The following PSMF1 variants were observed in gnomAD, a reference collection of about 807,000 sequenced individuals.
The protein encoded by PSMF1 is proteasome inhibitor PI31 subunit.
In PSMF1, 30 loss-of-function variants were observed where a neutral mutation model predicts 29.3. The observed-to-expected ratio is 1.02, with a 90% confidence interval of 0.77 to 1.39. The LOEUF is 1.39. Ranked by LOEUF, PSMF1 falls within the 40% of genes most tolerant of loss-of-function variation. The probability of loss-of-function intolerance (pLI) is 0.00; values close to 1 mark genes in which losing one functional copy is unlikely to be tolerated. For synonymous variants in PSMF1, 134 were observed against 139.7 expected, an observed-to-expected ratio of 0.96 and a Z score of 0.29; for missense variants, 344 against 357.5, an observed-to-expected ratio of 0.96 and a Z score of 0.31.
intron 1 of PSMF1, among the ~76,000 whole-genome samples, chr20:1,122,498 C>G (rs1391619488): frequency 6.6e-6 from 1 of 151,962 alleles, no homozygotes; most frequent in South Asian, 2.1e-4. Context: ...CAGGGTTTCA[C>G]CATGTTTGCC....
rs888538791 is a variant in PSMF1 at position 1,170,621 on chromosome 20, T to A, written c.*5541T>A. Reference sequence around the variant, plus strand: ...GAGTCTCAGACTCAGTCAAGCGTGGTTACTCACAGCCCTCCCTTTCTCAGT... The same window carrying A: ...GAGTCTCAGACTCAGTCAAGCGTGGATACTCACAGCCCTCCCTTTCTCAGT... On this transcript the variant is annotated 3_prime_UTR_variant, in exon 7 of 7. Transcript: ENST00000335877. 6.6e-6 allele frequency among the ~76,000 whole-genome samples: 1 copy of A among 151,962 alleles called. No individual in the cohort carries two copies. Among genetic ancestry groups the A allele is most frequent in the African/African-American group, 2.4e-5 (1 of 41,270 alleles).
rs1260809535 is a variant in PSMF1 at position 1,164,814 on chromosome 20, G to A, written c.765-215G>A. Among the ~76,000 whole-genome samples, 1 of 152,144 alleles carries A rather than the reference G, an allele frequency of 6.6e-6. No homozygotes were observed. The highest frequency in any genetic ancestry group is 2.4e-5 in the African/African-American group (1 of 41,418). ...ATGGTGGCGTCTACATTTTATAGAT[G>A]CAGAAAATGAGGCCCTGAAAGATTA... On this transcript the variant is annotated intron_variant, in intron 6 of 6. Coordinates refer to ENST00000335877, the MANE Select transcript of PSMF1 (RefSeq NM_006814.5). This position sits in a 1 kb window ranked among gnomAD's most constrained non-coding sequence, Gnocchi z 4.1.
chr20:1,164,967 T>C lies in PSMF1; in HGVS notation c.765-62T>C. The C allele has an allele frequency of 7.0e-7, 1 of 1,420,182 alleles. No homozygotes were observed. The highest frequency in any genetic ancestry group is 1.0e-6 in the Non-Finnish European group (1 of 1,003,690). The allele number at this position is 1,420,182 out of a possible 1,614,324, so 88.0% of individuals were successfully genotyped here. On this transcript the variant is annotated intron_variant, in intron 6 of 6. Transcript: ENST00000335877. The surrounding 1 kb of genome is among the most constrained non-coding windows in gnomAD (Gnocchi z 4.1). The stretch of plus-strand genomic sequence containing the variant: ...CAGGCTCCCTCAGTGCAGGGTCATG[T>C]CTGCCCATGTTCCCCTGGTCTCTCC...
rs562644602 is a variant in PSMF1, at chr20:1,167,272, G to A, written c.*2192G>A. 1 of 151,380 alleles carries A rather than the reference G, an allele frequency of 6.6e-6. No individual in the cohort carries two copies. The highest frequency in any genetic ancestry group is 1.9e-4 in the East Asian group (1 of 5,192). 9.4% of individuals were successfully genotyped at this position (151,380 alleles called of 1,614,324 possible). On this transcript the variant is annotated 3_prime_UTR_variant, in exon 7 of 7. Transcript: ENST00000335877. ...TTGGAGTGTTTCAGGTGTATATTTTGTAGAACCCAAAAGATTGGAGCCTTA... is the reference window on the plus strand; with the variant it reads ...TTGGAGTGTTTCAGGTGTATATTTTATAGAACCCAAAAGATTGGAGCCTTA...
At position 1,167,254 on chromosome 20, in the gene PSMF1, G is replaced by GT. The variant is rs2086741466; in HGVS notation, c.*2177dup. 6.6e-6 allele frequency: 1 copy of GT among 152,066 alleles called. No homozygotes were observed. 9.4% of individuals were successfully genotyped at this position (152,066 alleles called of 1,614,324 possible). On this transcript the variant is annotated 3_prime_UTR_variant, in exon 7 of 7. Coordinates refer to ENST00000335877, the MANE Select transcript of PSMF1 (RefSeq NM_006814.5). ...TAATCATCAAGGAGCAAGTTGGAGT[G>GT]TTTCAGGTGTATATTTTGTAGAACC...
intron 1 of PSMF1, among the ~76,000 whole-genome samples, chr20:1,121,529 AT>A (rs914094944): frequency 6.6e-6 from 1 of 151,886 alleles, no homozygotes; most frequent in Non-Finnish European, 1.5e-5. Flanking sequence ...AAGAGGTTTA[AT>A]TTTTCAGCCT....
At chr20:1,136,303 C>A in intron 4 of PSMF1, among the ~76,000 whole-genome samples, 1 of 152,306 alleles carries the variant, frequency 6.6e-6, no homozygotes, top group East Asian at 1.9e-4. Context: ...AGAGCCAGGG[C>A]TGGGGTCTAG....
rs563912790 is a variant in PSMF1 at position 1,166,333 on chromosome 20, G to A, written c.*1253G>A. On this transcript the variant is annotated 3_prime_UTR_variant, in exon 7 of 7. Coordinates refer to ENST00000335877, the MANE Select transcript of PSMF1 (RefSeq NM_006814.5). ...CGAGATCAAGGCGGTAGTCACTTCC[G>A]CTCTGCAGCTAGCATTTCAACCATA... The A allele has an allele frequency of 1.3e-5, 18 of 1,398,008 alleles. No individual in the cohort carries two copies. The highest frequency in any genetic ancestry group is 2.8e-5 in the African/African-American group (2 of 70,628). 86.6% of individuals were successfully genotyped at this position (1,398,008 alleles called of 1,614,324 possible).
rs1807694584 is a variant in PSMF1, at chr20:1,167,135, T to G, written c.*2055T>G. 1 of 152,186 alleles carries G rather than the reference T, an allele frequency of 6.6e-6. No homozygotes were observed. Among genetic ancestry groups the G allele is most frequent in the African/African-American group, 2.4e-5 (1 of 41,426 alleles). 9.4% of individuals were successfully genotyped at this position (152,186 alleles called of 1,614,324 possible). ...AACACAGTCATTGTCTTAGGTGTTCTATGGGAGGAAGTGAATAGAGCCTTT... is the reference window on the plus strand; with the variant it reads ...AACACAGTCATTGTCTTAGGTGTTCGATGGGAGGAAGTGAATAGAGCCTTT... On this transcript the variant is annotated 3_prime_UTR_variant, in exon 7 of 7. Coordinates refer to ENST00000335877, the MANE Select transcript of PSMF1 (RefSeq NM_006814.5).
intron 3 of PSMF1, chr20:1,134,774 T>A: frequency 2.7e-6 from 1 of 368,368 alleles, no homozygotes; most frequent in Non-Finnish European, 5.3e-6. Context: ...CCATGACACG[T>A]GATGAACACA....
intron 1 of PSMF1, among the ~76,000 whole-genome samples, chr20:1,122,166 C>T (rs1043799720): frequency 7.2e-5 from 11 of 152,198 alleles, no homozygotes; most frequent in Non-Finnish European, 1.0e-4. Flanking sequence ...AAAACCTTCT[C>T]TAGCCATAGC....
At position 1,164,931 on chromosome 20, in the gene PSMF1, A is replaced by G. The variant is rs2086710241; in HGVS notation, c.765-98A>G. 3.7e-6 allele frequency: 4 copies of G among 1,068,628 alleles called. No individual in the cohort carries two copies. The highest frequency in any genetic ancestry group is 5.8e-6 in the Non-Finnish European group (4 of 694,254). 66.2% of individuals were successfully genotyped at this position (1,068,628 alleles called of 1,614,324 possible). ...TTTAAATTCCTCACACCGCCACATC[A>G]TGTTGAAGGGCAGGCTCCCTCAGTG... On this transcript the variant is annotated intron_variant, in intron 6 of 6. Coordinates refer to ENST00000335877, the MANE Select transcript of PSMF1 (RefSeq NM_006814.5). The surrounding 1 kb of genome is among the most constrained non-coding windows in gnomAD (Gnocchi z 4.1).
Position 1,165,957 on chromosome 20 carries a change from C to A in PSMF1, c.*877C>A. ...GCCTATGAAATTGGAGGTGGCTTTC[C>A]TGCTCTAAAGCATTTTGATGTCTCA... is the stretch of plus-strand genomic sequence containing the variant. On this transcript the variant is annotated 3_prime_UTR_variant, in exon 7 of 7. Transcript: ENST00000335877. 7.3e-7 allele frequency: 1 copy of A among 1,366,888 alleles called. No homozygotes were observed. The highest frequency in any genetic ancestry group is 1.7e-5 in the South Asian group (1 of 57,474). 84.7% of individuals were successfully genotyped at this position (1,366,888 alleles called of 1,614,324 possible).
rs952661587 is a variant in PSMF1, at chr20:1,169,765, G to C, written c.*4685G>C. On this transcript the variant is annotated 3_prime_UTR_variant, in exon 7 of 7. Coordinates refer to ENST00000335877, the MANE Select transcript of PSMF1 (RefSeq NM_006814.5). ...GCTCATCCAAGTTCAAGGCTCAATT[G>C]AATGCGTCTGGTTGTTGGAACCTAC... is the stretch of plus-strand genomic sequence containing the variant. Among the ~76,000 whole-genome samples the C allele has an allele frequency of 1.2e-4, 19 of 152,152 alleles. No individual in the cohort carries two copies. The highest frequency in any genetic ancestry group is 4.3e-4 in the African/African-American group (18 of 41,440).
At chr20:1,150,817 G>C (rs1290422874) in intron 4 of PSMF1, among the ~76,000 whole-genome samples, 3 of 151,780 alleles carry the variant, frequency 2.0e-5, no homozygotes, top group African/African-American at 7.3e-5. Context: ...GTGCTCTTTT[G>C]ATTTTTGTTT....
intron 4 of PSMF1, among the ~76,000 whole-genome samples, chr20:1,145,412 C>G (rs893283330): frequency 2.6e-5 from 4 of 152,138 alleles, no homozygotes; most frequent in African/African-American, 9.7e-5. Context: ...GAATCTGAGC[C>G]TTACCTGAAG....
At chr20:1,148,678 G>C (rs2086487346) in intron 4 of PSMF1, among the ~76,000 whole-genome samples, 1 of 152,012 alleles carries the variant, frequency 6.6e-6, no homozygotes, top group African/African-American at 2.4e-5. Context: ...GTATGCTATG[G>C]TTTATATAAC....
In PSMF1 at chr20:1,165,439, A is replaced by G. The variant is rs1003252728; in HGVS notation, c.*359A>G. 3 of 1,093,962 alleles carry G rather than the reference A, an allele frequency of 2.7e-6. No homozygotes were observed. Among genetic ancestry groups the G allele is most frequent in the Non-Finnish European group, 3.3e-6 (3 of 898,766 alleles). The allele number at this position is 1,093,962 out of a possible 1,614,324, so 67.8% of individuals were successfully genotyped here. ...AGAACGCATTTTGGATGTTATTATTAAGAACCAAATGTCAATACAGAATTC... is the reference window on the plus strand; with the variant it reads ...AGAACGCATTTTGGATGTTATTATTGAGAACCAAATGTCAATACAGAATTC... On this transcript the variant is annotated 3_prime_UTR_variant, in exon 7 of 7. Transcript: ENST00000335877.
intron 4 of PSMF1, among the ~76,000 whole-genome samples, chr20:1,148,459 T>C (rs148617587): frequency 2.7e-4 from 41 of 152,378 alleles, no homozygotes; most frequent in African/African-American, 7.5e-4. Context: ...TTTTCTATGC[T>C]TAACCAGCTT....
Sources: allele counts gnomAD v4.1 joint callset (sites outside exome capture counted in the v4.1 genomes callset), GRCh38; gene constraint gnomAD v4.1.1; non-coding constraint Gnocchi (gnomAD v3.1); transcripts MANE v1.5; gene names NCBI Gene and HGNC (gene_info 2026-07-23, HGNC 2026-07-21).